The following MARCHF11 variants were observed in gnomAD, a reference collection of about 807,000 sequenced individuals.
MARCHF11 encodes E3 ubiquitin-protein ligase MARCHF11.
In MARCHF11, 29 loss-of-function variants were observed where a neutral mutation model predicts 37.3. The ratio of observed to expected loss-of-function variants is 0.78; its 90% CI spans 0.58 to 1.06. The LOEUF is 1.06. Among genes scored for constraint, MARCHF11 ranks in the 50% least tolerant of loss-of-function variants. MARCHF11 has a pLI of 0.00. For missense variants in MARCHF11, 482 were observed against 533.4 expected (o/e 0.90, Z 0.95); for synonymous variants, 233 against 228.0 (o/e 1.02, Z -0.20).
intron 3 of MARCHF11, among the ~76,000 whole-genome samples, chr5:16,068,391 T>C (rs987448294): frequency 1.3e-5 from 2 of 152,170 alleles, no homozygotes; most frequent in Admixed American, 1.3e-4. Context: ...ATCGTAGTCT[T>C]ATAAATTTAA....
At chr5:16,132,465 C>T (rs994513125) in intron 2 of MARCHF11, among the ~76,000 whole-genome samples, 2 of 152,152 alleles carry the variant, frequency 1.3e-5, no homozygotes, top group Non-Finnish European at 2.9e-5. Flanking sequence ...CAGTGCCTGA[C>T]ATGGCACAGT....
intron 2 of MARCHF11, among the ~76,000 whole-genome samples, chr5:16,117,606 C>T (rs1737243157): frequency 6.6e-6 from 1 of 152,156 alleles, no homozygotes; most frequent in Admixed American, 6.5e-5. Context: ...ACTCACCTGT[C>T]AGCTGGTTGT....
intron 2 of MARCHF11, among the ~76,000 whole-genome samples, chr5:16,144,352 C>A (rs1483871676): frequency 6.6e-6 from 1 of 152,132 alleles, no homozygotes; most frequent in African/African-American, 2.4e-5. Context: ...TTCCTTGATA[C>A]CCAGACCATG....
At chr5:16,093,681 T>C (rs1257838317) in intron 2 of MARCHF11, among the ~76,000 whole-genome samples, 1 of 152,188 alleles carries the variant, frequency 6.6e-6, no homozygotes, top group Non-Finnish European at 1.5e-5. Context: ...CTTGTTTTGG[T>C]GACAGCAAAT....
At chr5:16,072,796 A>T (rs964059543) in intron 3 of MARCHF11, among the ~76,000 whole-genome samples, 4 of 152,006 alleles carry the variant, frequency 2.6e-5, no homozygotes, top group African/African-American at 9.7e-5. Context: ...TCCCAGGCAA[A>T]GCTCTCATCA....
intron 2 of MARCHF11, among the ~76,000 whole-genome samples, chr5:16,157,119 A>C (rs1161142205): frequency 6.6e-6 from 1 of 151,208 alleles, no homozygotes; most frequent in African/African-American, 2.5e-5. Flanking sequence ...TACAATAGCT[A>C]CAAAAAAACT....
At chr5:16,120,933 C>G (rs1737300061) in intron 2 of MARCHF11, among the ~76,000 whole-genome samples, 1 of 152,230 alleles carries the variant, frequency 6.6e-6, no homozygotes, top group Non-Finnish European at 1.5e-5. Context: ...GCCCAGTCAA[C>G]TTGCTAACAG....
Position 16,179,440 on chromosome 5 carries a change from G to C in MARCHF11, c.136C>G (p.Pro46Ala), listed in dbSNP as rs1480080642. 2 of 1,114,500 alleles carry C rather than the reference G, an allele frequency of 1.8e-6. No individual in the cohort carries two copies. Among genetic ancestry groups the C allele is most frequent in the African/African-American group, 1.7e-5 (1 of 59,938 alleles). The allele number at this position is 1,114,500 out of a possible 1,614,324, so 69.0% of individuals were successfully genotyped here. Residue 46 changes from proline to alanine, a missense_variant, in exon 1 of 4, where the codon CCG (proline) becomes GCG (alanine). Coordinates refer to ENST00000332432, the MANE Select transcript of MARCHF11 (RefSeq NM_001102562.3). ...PGEPAPVPAA[P>A]RYLPPLPASP... ...GCGGGCAGCGGCGGCAGGTAGCGCG[G>C]GGCCGCGGGGACCGGGGCCGGCTCT...
intron 2 of MARCHF11, among the ~76,000 whole-genome samples, chr5:16,138,115 G>A (rs576689383): frequency 5.5e-4 from 83 of 152,222 alleles, no homozygotes; most frequent in Non-Finnish European, 4.6e-4. Context: ...AATGTTAATC[G>A]CCAAGACAAT....
intron 2 of MARCHF11, among the ~76,000 whole-genome samples, chr5:16,100,538 ACT>A (rs1736938055): frequency 6.6e-6 from 1 of 151,744 alleles, no homozygotes; most frequent in African/African-American, 2.4e-5. Flanking sequence ...GTGGAGAGTG[ACT>A]CTAAATGGCA....
intron 2 of MARCHF11, among the ~76,000 whole-genome samples, chr5:16,101,645 G>T (rs770802940): frequency 3.9e-5 from 6 of 152,138 alleles, no homozygotes; most frequent in Non-Finnish European, 7.3e-5. Context: ...AGACTCCCCA[G>T]GGGAGCCCTA....
rs188418908 is a variant in MARCHF11 at position 16,151,055 on chromosome 5, T to C, written c.693+26671A>G. 1.4e-3 allele frequency among the ~76,000 whole-genome samples: 212 copies of C among 152,184 alleles called. 1 individual carries two copies. The highest frequency in any genetic ancestry group is 2.1e-3 in the Non-Finnish European group (141 of 67,972). On this transcript the variant is annotated intron_variant, in intron 2 of 3. Coordinates refer to ENST00000332432, the MANE Select transcript of MARCHF11 (RefSeq NM_001102562.3). Reference sequence around the variant, plus strand: ...GTAAATGTCTTTTTCTAGCTATTGCTCTATATTCACAGAAATGCTTAGATA... The same window carrying C: ...GTAAATGTCTTTTTCTAGCTATTGCCCTATATTCACAGAAATGCTTAGATA...
chr5:16,068,389 C>T (rs1307898476), intron 3 of MARCHF11, among the ~76,000 whole-genome samples: 1 of 152,146 alleles, frequency 6.6e-6, no homozygotes, highest in Non-Finnish European at 1.5e-5. Flanking sequence ...TCATCGTAGT[C>T]TTATAAATTT....
At chr5:16,097,234 A>C (rs986988302) in intron 2 of MARCHF11, among the ~76,000 whole-genome samples, 1 of 152,246 alleles carries the variant, frequency 6.6e-6, no homozygotes, top group Admixed American at 6.5e-5. Context: ...ATGTGTAATC[A>C]AGTTGACATG....
At chr5:16,074,412 A>G (rs911857136) in intron 3 of MARCHF11, among the ~76,000 whole-genome samples, 1 of 152,218 alleles carries the variant, frequency 6.6e-6, no homozygotes, top group African/African-American at 2.4e-5. Flanking sequence ...TCAGAGCAGA[A>G]CTAAATGAAA....
chr5:16,139,647 C>T (rs2126590634), intron 2 of MARCHF11, among the ~76,000 whole-genome samples: 1 of 152,194 alleles, frequency 6.6e-6, no homozygotes, highest in East Asian at 1.9e-4. Context: ...AAAAAAGCTA[C>T]TTTAAAACTG....
At chr5:16,085,204 A>AT (rs937132073) in intron 3 of MARCHF11, among the ~76,000 whole-genome samples, 116 of 149,202 alleles carry the variant, frequency 7.8e-4, no homozygotes, top group African/African-American at 1.3e-3. Context: ...ATTATAATAG[A>AT]TTTTTTTTTT....
At chr5:16,084,061 G>GA (rs531415145) in intron 3 of MARCHF11, among the ~76,000 whole-genome samples, 138 of 152,152 alleles carry the variant, frequency 9.1e-4, no homozygotes, top group Non-Finnish European at 1.8e-3. Context: ...TAAAATGTTA[G>GA]ATTACGTGAA....
Position 16,067,478 on chromosome 5 carries a change from G to T in MARCHF11, c.1202C>A (p.Ser401Ter). 1 of 1,612,830 alleles carries T rather than the reference G, an allele frequency of 6.2e-7. No individual in the cohort carries two copies. Among genetic ancestry groups the T allele is most frequent in the Non-Finnish European group, 8.5e-7 (1 of 1,178,920 alleles). ...CATCATCTTATGCTTTTGTCACACTGAAGTCACTCTCATCACAACCTCCCC... is the reference window on the plus strand; with the variant it reads ...CATCATCTTATGCTTTTGTCACACTTAAGTCACTCTCATCACAACCTCCCC... Reference protein sequence around the residue: ...SSGEVVMRVTSV With the variant: ...SSGEVVMRVT Residue 401 changes from serine (S) to a stop codon, truncating the protein, a stop_gained, in exon 4 of 4, where the codon TCA becomes TAA. Coordinates refer to ENST00000332432, the MANE Select transcript of MARCHF11 (RefSeq NM_001102562.3). LOFTEE classifies it high-confidence loss of function.
Sources: gnomAD v4.1 joint callset for allele counts (sites outside exome capture counted in the v4.1 genomes callset) on GRCh38, gnomAD v4.1.1 for gene constraint, MANE v1.5 for transcripts, NCBI Gene and HGNC (gene_info 2026-07-23, HGNC 2026-07-21) for gene names.